BBS9: variants seen among roughly 807,000 people sequenced by gnomAD.
BBS9 encodes the protein protein PTHB1.
Under a neutral mutation model 117.7 loss-of-function variants are expected in BBS9, and 89 were observed. The ratio of observed to expected loss-of-function variants is 0.76; its 90% CI spans 0.64 to 0.90. BBS9 has a LOEUF of 0.90. BBS9 is among the 40% of genes least tolerant of loss of function. The probability of loss-of-function intolerance (pLI) is 0.00; values close to 1 mark genes in which losing one functional copy is unlikely to be tolerated. For synonymous variants in BBS9, 379 were observed against 370.9 expected (o/e 1.02, Z -0.25); for missense variants, 982 against 1,042.2 (o/e 0.94, Z 0.80).
chr7:33,450,307 C>T (rs774996780), intron 19 of BBS9, among the ~76,000 whole-genome samples: 5 of 152,200 alleles, frequency 3.3e-5, no homozygotes, highest in Non-Finnish European at 4.4e-5. Context: ...TTCCCCTTGG[C>T]AATTGCGAAT....
intron 4 of BBS9, among the ~76,000 whole-genome samples, chr7:33,174,066 A>G (rs1172181637): frequency 6.7e-6 from 1 of 149,156 alleles, no homozygotes; most frequent in Non-Finnish European, 1.5e-5. Context: ...GTTAATTATC[A>G]GATCCAGTCT....
intron 5 of BBS9, among the ~76,000 whole-genome samples, chr7:33,215,106 G>A (rs925226447): frequency 1.5e-4 from 23 of 152,162 alleles, no homozygotes; most frequent in Non-Finnish European, 2.5e-4. Context: ...GCAGGAGAAT[G>A]GTGTGAACCC....
At chr7:33,506,105 G>A (rs1201052568) in intron 20 of BBS9, among the ~76,000 whole-genome samples, 1 of 152,172 alleles carries the variant, frequency 6.6e-6, no homozygotes, top group African/African-American at 2.4e-5. Context: ...CATTTATAGA[G>A]TTCTTTATGT....
chr7:33,389,765 G>A (rs991544331), intron 19 of BBS9, among the ~76,000 whole-genome samples: 10 of 150,970 alleles, frequency 6.6e-5, no homozygotes, highest in African/African-American at 2.0e-4. Context: ...GTCTATAGTA[G>A]CAGTGGAATA....
In BBS9 at chr7:33,623,267, A is replaced by G. The variant is rs145542550; in HGVS notation, c.2522-11910A>G. Among the ~76,000 whole-genome samples, 165 of 152,246 alleles carry G rather than the reference A, an allele frequency of 1.1e-3. 2 individuals are homozygous for G. Among genetic ancestry groups the G allele is most frequent in the South Asian group, 9.8e-3 (47 of 4,812 alleles). The stretch of plus-strand genomic sequence containing the variant: ...ATGGCTTGCAGAAGATAAACAATTA[A>G]TATGCTAAAATTGGAAAAAAAAAAC... On this transcript the variant is annotated intron_variant, in intron 21 of 21. Coordinates refer to the BBS9 transcript ENST00000671952.
chr7:33,170,808 AACAG>A (rs1796434506), intron 4 of BBS9, among the ~76,000 whole-genome samples: 1 of 151,662 alleles, frequency 6.6e-6, no homozygotes, highest in Non-Finnish European at 1.5e-5. Context: ...ATACACCAAC[AACAG>A]ACAAACAGAG....
At chr7:33,164,001 A>G in intron 4 of BBS9, among the ~76,000 whole-genome samples, 1 of 152,192 alleles carries the variant, frequency 6.6e-6, no homozygotes. Flanking sequence ...CACTGCTTTA[A>G]ATGTGTCCCA....
intron 21 of BBS9, among the ~76,000 whole-genome samples, chr7:33,616,209 T>C (rs1865122005): frequency 6.6e-6 from 1 of 151,108 alleles, no homozygotes; most frequent in Non-Finnish European, 1.5e-5. Flanking sequence ...TAATAAACAA[T>C]GTATTAAAAT....
intron 9 of BBS9, among the ~76,000 whole-genome samples, chr7:33,311,835 A>G (rs1418265165): frequency 6.6e-6 from 1 of 151,708 alleles, no homozygotes; most frequent in Non-Finnish European, 1.5e-5. Flanking sequence ...AAAAGTGTCT[A>G]TATATTAACC....
chr7:33,398,119 ACTAT>A (rs1456798160), intron 19 of BBS9, among the ~76,000 whole-genome samples: 1 of 152,238 alleles, frequency 6.6e-6, no homozygotes, highest in Non-Finnish European at 1.5e-5. Context: ...CTGGTACGGC[ACTAT>A]CTAATAGATA....
At chr7:33,168,096 G>A (rs1795972304) in intron 4 of BBS9, among the ~76,000 whole-genome samples, 1 of 152,138 alleles carries the variant, frequency 6.6e-6, no homozygotes. Context: ...ATGTTTGACA[G>A]TGCTTCCCGT....
chr7:33,312,329 T>C (rs934783079), intron 9 of BBS9, among the ~76,000 whole-genome samples: 1 of 152,218 alleles, frequency 6.6e-6, no homozygotes, highest in Non-Finnish European at 1.5e-5. Context: ...TGGAAATGAA[T>C]ATACTTCTGT....
intron 9 of BBS9, among the ~76,000 whole-genome samples, chr7:33,276,127 A>C (rs1438259670): frequency 6.6e-6 from 1 of 152,196 alleles, no homozygotes; most frequent in Admixed American, 6.5e-5. Flanking sequence ...TTTAACACAA[A>C]GTATAGGATT....
At chr7:33,583,107 A>G (rs1032883567) in intron 21 of BBS9, among the ~76,000 whole-genome samples, 10 of 152,196 alleles carry the variant, frequency 6.6e-5, no homozygotes, top group African/African-American at 2.2e-4. Flanking sequence ...AAGCTCAGAC[A>G]TAGTAGTAAA....
intron 2 of BBS9, among the ~76,000 whole-genome samples, chr7:33,146,698 C>CAAAA (rs36056577): frequency 1.2e-5 from 1 of 81,310 alleles, no homozygotes; most frequent in African/African-American, 5.8e-5. Context: ...GGCTCCATCT[C>CAAAA]AAAAAAAAAA....
chr7:33,410,790 C>A (rs899825144), intron 19 of BBS9, among the ~76,000 whole-genome samples: 1 of 152,050 alleles, frequency 6.6e-6, no homozygotes. Context: ...TTCTTATAGC[C>A]TAAAAACATG....
Position 33,338,053 on chromosome 7 carries a change from C to G in BBS9, c.1198+1431C>G, listed in dbSNP as rs987996026. Among the ~76,000 whole-genome samples the G allele has an allele frequency of 6.3e-4, 95 of 151,920 alleles. 1 individual carries two copies. The highest frequency in any genetic ancestry group is 2.1e-3 in the African/African-American group (87 of 41,436). On this transcript the variant is annotated intron_variant, in intron 10 of 22. Coordinates refer to ENST00000242067, the MANE Select transcript of BBS9 (RefSeq NM_198428.3). The stretch of plus-strand genomic sequence containing the variant: ...GTTTAGGCTGTTTTACTTGTCATTA[C>G]CTTGATCCTTCAGTATGTCTTAAAA...
intron 21 of BBS9, among the ~76,000 whole-genome samples, chr7:33,577,882 T>C (rs994961978): frequency 1.3e-5 from 2 of 152,010 alleles, no homozygotes; most frequent in African/African-American, 4.8e-5. Context: ...GCGGGGAACA[T>C]CACACACTGG....
rs1815405112 is a variant in BBS9, at chr7:33,336,564, A to T, written c.1140A>T (p.Glu380Asp). The T allele has an allele frequency of 6.2e-7, 1 of 1,613,142 alleles. No individual in the cohort carries two copies. The highest frequency in any genetic ancestry group is 1.7e-5 in the Admixed American group (1 of 59,954). The change falls in exon 10 of 23, where the codon GAA (glutamate) becomes GAT (aspartate). Residue 380 changes from glutamate (E) to aspartate (D), a missense_variant. Physicochemically the swap from Glu to Asp is conservative, Grantham distance 45. Transcript: ENST00000242067. ...AATCTCGAGAACTAAACTATGATGA[A>T]CTTGATGTAGAAATGAAAGAACTTC... Reference protein sequence around the residue: ...NVQSRELNYDELDVEMKELQK... With the variant: ...NVQSRELNYDDLDVEMKELQK...
Sources: allele counts gnomAD v4.1 joint callset (sites outside exome capture counted in the v4.1 genomes callset), GRCh38; gene constraint gnomAD v4.1.1; transcripts MANE v1.5; gene names NCBI Gene and HGNC (gene_info 2026-07-23, HGNC 2026-07-21).